Variants in AFG2A observed in about 807,000 individuals in gnomAD.
The protein encoded by AFG2A is ATPase family gene 2 protein homolog A.
At chr4:122,935,879 AAATAT>A in the AFG2A span, 1 of 1,540,968 alleles carries the variant, frequency 6.5e-7, no homozygotes, top group Non-Finnish European at 8.8e-7. Flanking sequence ...ACTTACTATT[AAATAT>A]ATTTCTAAAA....
the AFG2A span, among the ~76,000 whole-genome samples, chr4:123,206,840 T>A: frequency 9.2e-5 from 14 of 152,222 alleles, no homozygotes; most frequent in Admixed American, 2.0e-4. Context: ...CCATCCTTTT[T>A]AAAATATTTC....
At chr4:123,117,262 C>T in the AFG2A span, among the ~76,000 whole-genome samples, 1 of 151,664 alleles carries the variant, frequency 6.6e-6, no homozygotes, top group Non-Finnish European at 1.5e-5. Flanking sequence ...TCTTGAACCT[C>T]CGTTTTCAAG....
At chr4:123,173,905 A>T in the AFG2A span, among the ~76,000 whole-genome samples, 4 of 152,180 alleles carry the variant, frequency 2.6e-5, no homozygotes, top group Admixed American at 6.5e-5. Context: ...TCAATACCAA[A>T]GCTTTAATCA....
At chr4:122,932,825 C>G in the AFG2A span, among the ~76,000 whole-genome samples, 1 of 152,132 alleles carries the variant, frequency 6.6e-6, no homozygotes, top group African/African-American at 2.4e-5. Context: ...TCTGCCTTTT[C>G]AAGTAACATA....
At chr4:123,277,937 T>C in the AFG2A span, among the ~76,000 whole-genome samples, 1 of 152,204 alleles carries the variant, frequency 6.6e-6, no homozygotes, top group African/African-American at 2.4e-5. Context: ...AAGTTTTCTT[T>C]TTTTGTTGTG....
the AFG2A span, chr4:123,102,157 T>C: frequency 6.6e-6 from 1 of 151,908 alleles, no homozygotes; most frequent in African/African-American, 2.4e-5. Flanking sequence ...GTTTTTGTTT[T>C]TTGTTTTCTG....
At chr4:123,194,827 G>T in the AFG2A span, among the ~76,000 whole-genome samples, 5 of 152,152 alleles carry the variant, frequency 3.3e-5, no homozygotes, top group Non-Finnish European at 5.9e-5. Context: ...ATACTAGCAG[G>T]TGTAGAAGTA....
chr4:123,264,674 T>C, the AFG2A span, among the ~76,000 whole-genome samples: 1 of 152,192 alleles, frequency 6.6e-6, no homozygotes, highest in Admixed American at 6.5e-5. Context: ...TTTTCCCTTC[T>C]TCAGCATTTT....
chr4:123,277,729 A>G, the AFG2A span, among the ~76,000 whole-genome samples: 1 of 152,214 alleles, frequency 6.6e-6, no homozygotes, highest in Non-Finnish European at 1.5e-5. Context: ...ATCTATTGAC[A>G]TAATCATGTT....
At chr4:122,978,395 C>T in the AFG2A span, among the ~76,000 whole-genome samples, 1 of 152,196 alleles carries the variant, frequency 6.6e-6, no homozygotes, top group Non-Finnish European at 1.5e-5. Flanking sequence ...GTCCTGACAT[C>T]CCAGTGAGTC....
the AFG2A span, chr4:122,933,597 C>A: frequency 2.4e-6 from 2 of 845,916 alleles, no homozygotes; most frequent in South Asian, 1.7e-5. Context: ...TAGTTTTCTT[C>A]AAAATAGCTT....
chr4:123,295,031 T>C, the AFG2A span, among the ~76,000 whole-genome samples: 2 of 152,214 alleles, frequency 1.3e-5, no homozygotes, highest in Non-Finnish European at 2.9e-5. Context: ...TCTGACACTT[T>C]AGAAGCAGTG....
the AFG2A span, among the ~76,000 whole-genome samples, chr4:123,054,018 T>A: frequency 6.6e-6 from 1 of 152,218 alleles, no homozygotes; most frequent in Non-Finnish European, 1.5e-5. Flanking sequence ...GTGTCACAGT[T>A]CAACTTCCAG....
chr4:123,277,258 A>T, the AFG2A span, among the ~76,000 whole-genome samples: 4 of 152,130 alleles, frequency 2.6e-5, no homozygotes, highest in Non-Finnish European at 5.9e-5. Flanking sequence ...GTGGGATTGC[A>T]TTCCAGATTT....
chr4:122,947,293 G>C, the AFG2A span: 2 of 1,612,954 alleles, frequency 1.2e-6, no homozygotes, highest in Non-Finnish European at 1.7e-6. Context: ...TGCCTTGGAT[G>C]CTGCTCTCCG....
At chr4:123,301,205 C>A in the AFG2A span, among the ~76,000 whole-genome samples, 1 of 152,050 alleles carries the variant, frequency 6.6e-6, no homozygotes, top group Non-Finnish European at 1.5e-5. Flanking sequence ...ATTCTTAGAT[C>A]CATCTAGATA....
the AFG2A span, chr4:123,314,904 C>T: frequency 6.6e-6 from 1 of 151,552 alleles, no homozygotes; most frequent in Non-Finnish European, 1.5e-5. Flanking sequence ...TACAGGTGTG[C>T]ACCACCACAC....
chr4:123,121,553 G>A, the AFG2A span, among the ~76,000 whole-genome samples: 54 of 152,120 alleles, frequency 3.5e-4, no homozygotes, highest in Non-Finnish European at 2.2e-4. Context: ...CCTGCTCTTT[G>A]TTTAGATATG....
At chr4:122,993,309 A>C in the AFG2A span, among the ~76,000 whole-genome samples, 1 of 151,960 alleles carries the variant, frequency 6.6e-6, no homozygotes, top group African/African-American at 2.4e-5. Context: ...GTATATTTTA[A>C]TGTAGTTAAT....
Sources: gnomAD v4.1 joint callset for allele counts (sites outside exome capture counted in the v4.1 genomes callset) on GRCh38, gnomAD v4.1.1 for gene constraint, MANE v1.5 for transcripts, NCBI Gene and HGNC (gene_info 2026-07-23, HGNC 2026-07-21) for gene names.